Variants in ELAVL4 observed in about 807,000 individuals in gnomAD.
The protein encoded by ELAVL4 is ELAV like RNA binding protein 4.
A neutral mutation model predicts 35.6 loss-of-function variants in ELAVL4; 1 was observed. The observed-to-expected ratio is 0.03, with a 90% confidence interval of 0.01 to 0.13. The LOEUF is 0.13. Ranked by LOEUF, ELAVL4 falls within the 10% of genes least tolerant of loss-of-function variation. The pLI, the probability that ELAVL4 is intolerant of heterozygous loss-of-function variation, is 1.00. For synonymous variants in ELAVL4, 156 were observed against 171.0 expected, an observed-to-expected ratio of 0.91 and a Z score of 0.69; for missense variants, 267 against 464.9, an observed-to-expected ratio of 0.57 and a Z score of 3.91.
At chr1:50,051,823 G>A (rs1332531960) in intron 1 of ELAVL4, among the ~76,000 whole-genome samples, 4 of 152,112 alleles carry the variant, frequency 2.6e-5, no homozygotes, top group African/African-American at 9.7e-5. Context: ...TCACAGACTG[G>A]GAGGCTTAAA....
chr1:50,055,204 AT>A (rs1663589628), intron 1 of ELAVL4, among the ~76,000 whole-genome samples: 1 of 152,196 alleles, frequency 6.6e-6, no homozygotes, highest in Non-Finnish European at 1.5e-5. Context: ...AATAATAGAT[AT>A]CCAGTAAATG....
intron 1 of ELAVL4, among the ~76,000 whole-genome samples, chr1:50,140,094 A>G (rs924567152): frequency 7.2e-5 from 11 of 152,358 alleles, no homozygotes; most frequent in African/African-American, 2.4e-4. Flanking sequence ...AACCTCCTCA[A>G]TGATCTATCC....
chr1:50,090,861 A>G (rs1229780519), intron 1 of ELAVL4, among the ~76,000 whole-genome samples: 8 of 152,224 alleles, frequency 5.3e-5, no homozygotes, highest in Admixed American at 5.2e-4. Flanking sequence ...AGAAAAGGAA[A>G]TAGGACTGGG....
intron 1 of ELAVL4, among the ~76,000 whole-genome samples, chr1:50,126,077 C>A (rs1669857843): frequency 6.6e-6 from 1 of 151,996 alleles, no homozygotes; most frequent in Admixed American, 6.6e-5. Context: ...TAAGCTCAGT[C>A]CCCCTAGGGT....
At chr1:50,074,161 C>T (rs1664660133) in intron 1 of ELAVL4, among the ~76,000 whole-genome samples, 1 of 152,176 alleles carries the variant, frequency 6.6e-6, no homozygotes, top group African/African-American at 2.4e-5. Flanking sequence ...ATGGCTAAAG[C>T]CCAGCCAAAT....
chr1:50,116,395 GGTGT>G lies in ELAVL4; in HGVS notation c.9+7211_9+7214del, dbSNP rs139106566. ...TTTGTCATATACATCTAAATACTGT[GGTGT>G]GTGTGTGTGTGTGCGTGTGTGTGTG... On this transcript the variant is annotated intron_variant, in intron 1 of 6. Transcript: ENST00000371824. 3.3e-5 allele frequency among the ~76,000 whole-genome samples: 5 copies of G among 149,562 alleles called. No homozygotes were observed. The South Asian group carries it at 8.5e-4, about 26-fold the overall frequency.
At chr1:50,143,585 G>T (rs1673182870) in intron 1 of ELAVL4, among the ~76,000 whole-genome samples, 1 of 152,188 alleles carries the variant, frequency 6.6e-6, no homozygotes. Flanking sequence ...TGAGGAAAAT[G>T]AAGACTCTTA....
intron 1 of ELAVL4, among the ~76,000 whole-genome samples, chr1:50,088,973 T>C (rs190690196): frequency 6.6e-6 from 1 of 152,306 alleles, no homozygotes; most frequent in African/African-American, 2.4e-5. Context: ...AGTCTAGCAA[T>C]AGCCCCATTT....
At chr1:50,165,602 A>G (rs1677670940) in intron 2 of ELAVL4, among the ~76,000 whole-genome samples, 1 of 147,956 alleles carries the variant, frequency 6.8e-6, no homozygotes, top group East Asian at 2.0e-4. Flanking sequence ...ATATACGTGT[A>G]TGTATACGTA....
chr1:50,060,863 G>T (rs1461318341), intron 1 of ELAVL4, among the ~76,000 whole-genome samples: 4 of 152,182 alleles, frequency 2.6e-5, no homozygotes, highest in Non-Finnish European at 4.4e-5. Context: ...TACCCTGAGT[G>T]CCTTGTAGCA....
intron 2 of ELAVL4, among the ~76,000 whole-genome samples, chr1:50,161,075 C>T (rs944214946): frequency 1.3e-5 from 2 of 152,128 alleles, no homozygotes; most frequent in Non-Finnish European, 2.9e-5. Flanking sequence ...GCTAAACCCT[C>T]GTGGTTAACA....
intron 1 of ELAVL4, among the ~76,000 whole-genome samples, chr1:50,055,334 C>T (rs1057510079): frequency 6.6e-6 from 1 of 151,758 alleles, no homozygotes; most frequent in African/African-American, 2.4e-5. Flanking sequence ...GAGTCTCGCT[C>T]TTTCTCCCAG....
chr1:50,057,504 C>G (rs1475014888), intron 1 of ELAVL4, among the ~76,000 whole-genome samples: 1 of 152,170 alleles, frequency 6.6e-6, no homozygotes, highest in Non-Finnish European at 1.5e-5. Flanking sequence ...TAATTTCCAG[C>G]CCTGCAAGCT....
chr1:50,200,681 C>A, intron 6 of ELAVL4, 170 bp from the exon 7 acceptor site: 2 of 1,327,952 alleles, frequency 1.5e-6, no homozygotes, highest in Non-Finnish European at 2.0e-6. Flanking sequence ...CCATTCCCAT[C>A]AGAGGAAATG....
At position 50,159,039 on chromosome 1, in the gene ELAVL4, CAA is replaced by C. The variant is rs57361277; in HGVS notation, c.250+13859_250+13860del. Among the ~76,000 whole-genome samples, 442 of 74,866 alleles carry C rather than the reference CAA, an allele frequency of 5.9e-3. 4 individuals carry two copies. Among genetic ancestry groups the C allele is most frequent in the African/African-American group, 0.019 (414 of 21,602 alleles). 49.1% of individuals were successfully genotyped at this position (74,866 alleles called of 152,430 possible). ...TGGACGACAGAGCAAGACTCCTTCTCAAAAAAAAAAAAAAAAAAGAAAGAAAT... is the reference window on the plus strand; with the variant it reads ...TGGACGACAGAGCAAGACTCCTTCTCAAAAAAAAAAAAAAAAGAAAGAAAT... On this transcript the variant is annotated intron_variant, in intron 2 of 6. Transcript: ENST00000371824.
intron 1 of ELAVL4, among the ~76,000 whole-genome samples, chr1:50,112,134 T>C (rs1297825613): frequency 2.6e-5 from 4 of 152,146 alleles, no homozygotes; most frequent in African/African-American, 9.7e-5. Context: ...TTAGGGGATT[T>C]AAAAATTTTA....
chr1:50,192,283 T>C (rs1331545442), intron 3 of ELAVL4, among the ~76,000 whole-genome samples: 3 of 151,956 alleles, frequency 2.0e-5, no homozygotes, highest in African/African-American at 7.3e-5. Flanking sequence ...ATCTGTTGAG[T>C]CAACATCTAT....
chr1:50,155,901 A>G (rs1217916474), intron 2 of ELAVL4, among the ~76,000 whole-genome samples: 3 of 152,082 alleles, frequency 2.0e-5, no homozygotes, highest in African/African-American at 7.2e-5. Flanking sequence ...AGTGCCCCTC[A>G]CCAGTCAATG....
chr1:50,203,554 T>C lies in ELAVL4; in HGVS notation c.*2376T>C, dbSNP rs1002789241. 1.3e-5 allele frequency: 2 copies of C among 152,064 alleles called. No individual in the cohort carries two copies. The highest frequency in any genetic ancestry group is 1.3e-4 in the Admixed American group (2 of 15,264). The allele number at this position is 152,064 out of a possible 1,614,324, so 9.4% of individuals were successfully genotyped here. On this transcript the variant is annotated 3_prime_UTR_variant, in exon 7 of 7. Coordinates refer to ENST00000371824, the MANE Select transcript of ELAVL4 (RefSeq NM_001144774.3). The stretch of plus-strand genomic sequence containing the variant: ...GGGAAAGGCATGCCAAAATCTTCTC[T>C]ATAATGTGTTCAATCTTGGGGGAAA...
Sources: allele counts gnomAD v4.1 joint callset (sites outside exome capture counted in the v4.1 genomes callset), GRCh38; gene constraint gnomAD v4.1.1; transcripts MANE v1.5; gene names NCBI Gene and HGNC (gene_info 2026-07-23, HGNC 2026-07-21).